The following DYNC1I2 variants were observed in gnomAD, a reference collection of about 807,000 sequenced individuals.
The protein encoded by DYNC1I2 is cytoplasmic dynein 1 intermediate chain 2.
In DYNC1I2, 53 loss-of-function variants were observed where a neutral mutation model predicts 88.6. The observed-to-expected ratio is 0.60, with a 90% CI of 0.48 to 0.75. The LOEUF is 0.75. Among genes scored for constraint, DYNC1I2 ranks in the 30% least tolerant of loss-of-function variants. The probability of loss-of-function intolerance (pLI) is 0.00; values close to 1 mark genes in which losing one functional copy is unlikely to be tolerated. For synonymous variants in DYNC1I2, 198 were observed against 254.6 expected, an observed-to-expected ratio of 0.78 and a Z score of 2.12; for missense variants, 458 against 766.6, an observed-to-expected ratio of 0.60 and a Z score of 4.75.
rs181530803 is a variant in DYNC1I2, at chr2:171,715,264, A to G, written c.396-64A>G. The stretch of plus-strand genomic sequence containing the variant: ...GGGTGCAAATGACTGTTTAATTCTT[A>G]ATTTTTGAAAATAACATGGTTTGAT... On this transcript the variant is annotated intron_variant, in intron 6 of 17. Coordinates refer to ENST00000397119, the MANE Select transcript of DYNC1I2 (RefSeq NM_001378.3). 124 of 1,058,318 alleles carry G rather than the reference A, an allele frequency of 1.2e-4. No individual in the cohort carries two copies. In the East Asian group the frequency reaches 2.2e-3, roughly 19 times the overall value. The allele number at this position is 1,058,318 out of a possible 1,614,324, so 65.6% of individuals were successfully genotyped here.
rs149204702 is a variant in DYNC1I2, at chr2:171,730,070, C to G, written c.1536+217C>G. 2.5e-3 allele frequency among the ~76,000 whole-genome samples: 380 copies of G among 152,282 alleles called. 5 individuals carry two copies. Among genetic ancestry groups the G allele is most frequent in the African/African-American group, 8.6e-3 (358 of 41,562 alleles). ...TGGTAACCCTACGCAGAATCAAGGA[C>G]CAGTCTTCCCACCACTTCAGTCTTT... On this transcript the variant is annotated intron_variant, in intron 15 of 17. Transcript: ENST00000397119.
intron 15 of DYNC1I2, among the ~76,000 whole-genome samples, chr2:171,733,569 T>C (rs1381522348): frequency 6.7e-6 from 1 of 148,858 alleles, no homozygotes; most frequent in East Asian, 2.0e-4. Flanking sequence ...TAATGATCAG[T>C]GATATATGTC....
Position 171,749,882 on chromosome 2 carries a change from A to G in DYNC1I2, c.*1993A>G, listed in dbSNP as rs1689996084. Among the ~76,000 whole-genome samples the G allele has an allele frequency of 6.6e-6, 1 of 152,196 alleles. No homozygotes were observed. Among genetic ancestry groups the G allele is most frequent in the Admixed American group, 6.5e-5 (1 of 15,284 alleles). ...GACTGTCAGTGTTGATAAAGCTTCT[A>G]GCAAGATTAGGTTGACTAGAAGTGC... On this transcript the variant is annotated 3_prime_UTR_variant, in exon 18 of 18. Transcript: ENST00000397119.
chr2:171,739,697 T>TCTCTCTCTCTC (rs1491211926), intron 15 of DYNC1I2, among the ~76,000 whole-genome samples: 51 of 19,786 alleles, frequency 2.6e-3, no homozygotes, highest in African/African-American at 5.1e-3. Flanking sequence ...GACATATCTC[T>TCTCTCTCTCTC]TTTTTTTTTT....
chr2:171,699,349 G>A (rs980385798), intron 3 of DYNC1I2, among the ~76,000 whole-genome samples: 1 of 151,932 alleles, frequency 6.6e-6, no homozygotes, highest in Non-Finnish European at 1.5e-5. Context: ...TTTTATTGAG[G>A]GTTTTTTGTA....
At chr2:171,722,602 C>T (rs867002919) in intron 7 of DYNC1I2, among the ~76,000 whole-genome samples, 3 of 151,950 alleles carry the variant, frequency 2.0e-5, no homozygotes, top group South Asian at 4.2e-4. Flanking sequence ...TTTTTGGCCA[C>T]GTTAATAGTC....
rs199543268 is a variant in DYNC1I2 at position 171,725,598 on chromosome 2, G to T, written c.512-20G>T. 1,912 of 893,640 alleles carry T rather than the reference G, an allele frequency of 2.1e-3. 10 individuals carry two copies. The African/African-American group carries it at 0.022, about 10-fold the overall frequency. The allele number at this position is 893,640 out of a possible 1,614,324, so 55.4% of individuals were successfully genotyped here. ...ATTCTGTTTTTTTGTTTTTTTGTTT[G>T]TTTTTTTTTTTTTTTTCAGATGAAG... On this transcript the variant is annotated intron_variant, in intron 7 of 17. Transcript: ENST00000397119.
intron 10 of DYNC1I2, 155 bp from the exon 11 acceptor site, chr2:171,726,636 T>G (rs1434927310): frequency 2.7e-6 from 2 of 729,266 alleles, no homozygotes; most frequent in Non-Finnish European, 4.2e-6. Flanking sequence ...ATTGTACTAA[T>G]GTCCCAGTAG....
chr2:171,730,124 G>A (rs965891849), intron 15 of DYNC1I2, among the ~76,000 whole-genome samples: 2 of 152,140 alleles, frequency 1.3e-5, no homozygotes, highest in Non-Finnish European at 2.9e-5. Flanking sequence ...ACCCTGAACT[G>A]CACTGGGAAA....
rs1447913724 is a variant in DYNC1I2, at chr2:171,749,758, GC to G, written c.*1872del. Among the ~76,000 whole-genome samples, 1 of 152,056 alleles carries G rather than the reference GC, an allele frequency of 6.6e-6. No homozygotes were observed. The highest frequency in any genetic ancestry group is 1.5e-5 in the Non-Finnish European group (1 of 67,976). ...CCCAGAAAATGCGATGTATACCTTT[GC>G]CCATTCAACTTTAGTCCATATTTTT... On this transcript the variant is annotated 3_prime_UTR_variant, in exon 18 of 18. Coordinates refer to ENST00000397119, the MANE Select transcript of DYNC1I2 (RefSeq NM_001378.3).
chr2:171,729,905 G>T, intron 15 of DYNC1I2, 52 bp downstream of exon 15: 1 of 1,594,628 alleles, frequency 6.3e-7, no homozygotes. Flanking sequence ...ACACAAGGTG[G>T]TGATCTAATA....
At chr2:171,732,873 T>G (rs954178707) in intron 15 of DYNC1I2, among the ~76,000 whole-genome samples, 1 of 152,206 alleles carries the variant, frequency 6.6e-6, no homozygotes, top group African/African-American at 2.4e-5. Context: ...TTTAAAACTT[T>G]TATTTTACAT....
chr2:171,746,283 T>C (rs1162679116), intron 17 of DYNC1I2, among the ~76,000 whole-genome samples: 1 of 152,180 alleles, frequency 6.6e-6, no homozygotes, highest in Non-Finnish European at 1.5e-5. Flanking sequence ...TCTGTATTCA[T>C]TAATTTGGGC....
Position 171,707,317 on chromosome 2 carries a change from CTG to C in DYNC1I2, c.278_279del (p.Val93GlufsTer5). 1 of 1,613,874 alleles carries C rather than the reference CTG, an allele frequency of 6.2e-7. No individual in the cohort carries two copies. Among genetic ancestry groups the C allele is most frequent in the Non-Finnish European group, 8.5e-7 (1 of 1,179,800 alleles). ...CCTCCTATGTCTCCATCCTCCAAAT[CTG>C]TGAGCACTCCAAGTGAAGCTGGAAG... is the stretch of plus-strand genomic sequence containing the variant. On this transcript the variant is annotated frameshift_variant, in exon 5 of 18. Transcript: ENST00000397119. LOFTEE classifies it high-confidence loss of function.
At chr2:171,739,354 T>G (rs903594545) in intron 15 of DYNC1I2, among the ~76,000 whole-genome samples, 4 of 152,122 alleles carry the variant, frequency 2.6e-5, no homozygotes, top group Admixed American at 2.6e-4. Context: ...AACATTTTAT[T>G]ATGGAAAATC....
chr2:171,704,446 T>G (rs887526302), intron 3 of DYNC1I2, among the ~76,000 whole-genome samples: 1 of 152,164 alleles, frequency 6.6e-6, no homozygotes, highest in Non-Finnish European at 1.5e-5. Context: ...CACCTATGTT[T>G]ATATTAATTC....
At chr2:171,737,647 G>A (rs1689104374) in intron 15 of DYNC1I2, among the ~76,000 whole-genome samples, 1 of 152,104 alleles carries the variant, frequency 6.6e-6, no homozygotes, top group Non-Finnish European at 1.5e-5. Context: ...TCAAACTCCT[G>A]GCCTCAAGTG....
chr2:171,693,604 G>A (rs1685546206), intron 3 of DYNC1I2, among the ~76,000 whole-genome samples: 1 of 152,170 alleles, frequency 6.6e-6, no homozygotes, highest in African/African-American at 2.4e-5. Context: ...GGGCTAGTTG[G>A]TGGGCTAATT....
At chr2:171,746,521 C>G (rs1461846661) in intron 17 of DYNC1I2, among the ~76,000 whole-genome samples, 1 of 152,156 alleles carries the variant, frequency 6.6e-6, no homozygotes, top group Non-Finnish European at 1.5e-5. Context: ...AGTCACTTTC[C>G]TTTGCTATGC....
Sources: allele counts gnomAD v4.1 joint callset (sites outside exome capture counted in the v4.1 genomes callset), GRCh38; gene constraint gnomAD v4.1.1; transcripts MANE v1.5; gene names NCBI Gene and HGNC (gene_info 2026-07-23, HGNC 2026-07-21).